Variants in CRLS1 observed in about 807,000 individuals in gnomAD.
CRLS1 encodes the protein cardiolipin synthase 1.
In CRLS1, 24 loss-of-function variants were observed where a neutral mutation model predicts 37.0. The ratio of observed to expected loss-of-function variants is 0.65; its 90% CI spans 0.47 to 0.91. The LOEUF is 0.91. CRLS1 is among the 40% of genes least tolerant of loss of function. The pLI, the probability that CRLS1 is intolerant of heterozygous loss-of-function variation, is 0.00. For missense variants in CRLS1, 373 were observed against 395.8 expected (o/e 0.94, Z 0.49); for synonymous variants, 135 against 159.7 (o/e 0.85, Z 1.17).
chr20:6,011,346 C>T (rs1568616357), intron 2 of CRLS1, among the ~76,000 whole-genome samples: 1 of 151,994 alleles, frequency 6.6e-6, no homozygotes, highest in Non-Finnish European at 1.5e-5. Context: ...AACAAAATTC[C>T]ACCTTCCTAG....
At chr20:6,017,223 A>G (rs1020387594) in intron 3 of CRLS1, among the ~76,000 whole-genome samples, 1 of 152,300 alleles carries the variant, frequency 6.6e-6, no homozygotes, top group African/African-American at 2.4e-5. Context: ...TTTAAACTGC[A>G]GATGATTTTA....
chr20:6,022,629 C>A (rs1005579592), intron 3 of CRLS1, among the ~76,000 whole-genome samples: 1 of 152,192 alleles, frequency 6.6e-6, no homozygotes, highest in Admixed American at 6.5e-5. Flanking sequence ...AGAGCCACTG[C>A]ACCCGGCCAT....
At chr20:6,022,109 C>A (rs1248252557) in intron 3 of CRLS1, among the ~76,000 whole-genome samples, 2 of 152,140 alleles carry the variant, frequency 1.3e-5, no homozygotes, top group Admixed American at 6.6e-5. Flanking sequence ...CATCTGAGAT[C>A]ATTTTCCTTT....
At chr20:6,011,983 A>G (rs1297383791) in intron 2 of CRLS1, among the ~76,000 whole-genome samples, 2 of 151,630 alleles carry the variant, frequency 1.3e-5, no homozygotes, top group Non-Finnish European at 2.9e-5. Context: ...TTAACATAAC[A>G]GACAAGATCT....
chr20:6,011,706 C>G (rs2122924485), intron 2 of CRLS1, among the ~76,000 whole-genome samples: 1 of 149,566 alleles, frequency 6.7e-6, no homozygotes, highest in East Asian at 2.0e-4. Flanking sequence ...CTGCCTCAGC[C>G]TCCTGGGTAG....
chr20:6,007,252 A>G (rs1204074120), intron 1 of CRLS1: 10 of 1,523,414 alleles, frequency 6.6e-6, no homozygotes, highest in Non-Finnish European at 7.9e-6. Flanking sequence ...TGCTTTCATC[A>G]GTTGTACAGC....
At chr20:6,028,140 T>C (rs1343013480) in intron 3 of CRLS1, 2 of 152,264 alleles carry the variant, frequency 1.3e-5, no homozygotes. Context: ...ACCTTCATTT[T>C]AATAGCTTTG....
At chr20:6,005,993 G>C, upstream of CRLS1, 1 of 325,064 alleles carries the variant, frequency 3.1e-6, no homozygotes, top group Non-Finnish European at 5.6e-6. Flanking sequence ...AGCCTGATGC[G>C]CGCGCCTCCG....
chr20:6,011,273 A>G (rs2090128589), intron 2 of CRLS1, among the ~76,000 whole-genome samples: 1 of 152,172 alleles, frequency 6.6e-6, no homozygotes, highest in Non-Finnish European at 1.5e-5. Flanking sequence ...CTAGTTTTAT[A>G]TTAATAAAAG....
At chr20:6,007,543 C>A in intron 1 of CRLS1, 3 of 857,726 alleles carry the variant, frequency 3.5e-6, no homozygotes, top group South Asian at 1.5e-5. Context: ...ACTCCCTTCA[C>A]TGTTCCAGCA....
chr20:6,036,872 G>A (rs1980589375), intron 6 of CRLS1, among the ~76,000 whole-genome samples: 1 of 152,176 alleles, frequency 6.6e-6, no homozygotes. Context: ...AATTTTGTTT[G>A]ACGTTACTAA....
Position 6,006,531 on chromosome 20 carries a change from C to A in CRLS1, c.285C>A (p.Gly95=). Residue 95 remains glycine, a synonymous_variant, in exon 1 of 7, where the codon GGC becomes GGA. Transcript: ENST00000378863. ...CCGAAGCCCCGGGCGGCCAGTGGGG[C>A]CCGGCGAGCACCCCCAGCCTGGTAC... ...AAAEAPGGQW[G]PASTPSLYEN... 1.5e-6 allele frequency: 2 copies of A among 1,324,070 alleles called. No individual in the cohort carries two copies. The highest frequency in any genetic ancestry group is 4.3e-5 in the South Asian group (2 of 46,998). 82.0% of individuals were successfully genotyped at this position (1,324,070 alleles called of 1,614,324 possible). A position where few individuals can be genotyped will look rare whatever the true frequency, so the allele number is the denominator to read the frequency against.
In CRLS1 at chr20:6,039,211, C is replaced by T. The variant is rs1406996454; in HGVS notation, c.*2053C>T. The T allele has an allele frequency of 3.9e-5, 6 of 151,934 alleles. No individual in the cohort carries two copies. In the South Asian group the frequency reaches 1.0e-3, roughly 26 times the overall value. 9.4% of individuals were successfully genotyped at this position (151,934 alleles called of 1,614,324 possible). On this transcript the variant is annotated 3_prime_UTR_variant, in exon 7 of 7. Transcript: ENST00000378863. ...CAAGTGACCCTTTCACCTCAGCTTC[C>T]CAAGTAGCTGGGATTACAGGTGCAC...
chr20:6,006,254 C>A lies in CRLS1; in HGVS notation c.8C>A (p.Ala3Asp). The part of the protein sequence containing the change: ML[A>D]LRVARGSWGA... ...CGGCGCGGCCGCAGGGCCATGCTAGCCTTGCGCGTGGCGCGCGGCTCGTGG... is the reference window on the plus strand; with the variant it reads ...CGGCGCGGCCGCAGGGCCATGCTAGACTTGCGCGTGGCGCGCGGCTCGTGG... The change falls in exon 1 of 7, where the codon GCC becomes GAC. Residue 3 changes from alanine (A) to aspartate (D), a missense_variant. Ala to Asp is a moderately radical substitution (Grantham distance 126, BLOSUM62 -2). Coordinates refer to ENST00000378863, the MANE Select transcript of CRLS1 (RefSeq NM_019095.6). The A allele has an allele frequency of 1.6e-6, 2 of 1,249,616 alleles. No homozygotes were observed. Among genetic ancestry groups the A allele is most frequent in the Non-Finnish European group, 2.0e-6 (2 of 1,000,136 alleles). The allele number at this position is 1,249,616 out of a possible 1,614,324, so 77.4% of individuals were successfully genotyped here.
At chr20:6,009,736 A>C in intron 1 of CRLS1, 39 bp from the exon 2 acceptor site, 1 of 1,564,366 alleles carries the variant, frequency 6.4e-7, no homozygotes, top group Non-Finnish European at 8.7e-7. Context: ...GTATGAATTC[A>C]TAGTATTTTA....
chr20:6,014,918 A>G (rs1169751752), intron 2 of CRLS1, among the ~76,000 whole-genome samples: 2 of 152,218 alleles, frequency 1.3e-5, no homozygotes, highest in African/African-American at 4.8e-5. Context: ...AAACAGTGGT[A>G]TTGAGCAAAA....
Position 6,015,579 on chromosome 20 carries a change from T to C in CRLS1, c.574+89T>C, listed in dbSNP as rs772034174. The C allele has an allele frequency of 2.2e-6, 3 of 1,339,806 alleles. No individual in the cohort carries two copies. The Admixed American group carries it at 5.1e-5, about 23-fold the overall frequency. The allele number at this position is 1,339,806 out of a possible 1,614,324, so 83.0% of individuals were successfully genotyped here. A position where few individuals can be genotyped will look rare whatever the true frequency, so the allele number is the denominator to read the frequency against. ...TTTCTCTTGAGAGACAAATAATTTT[T>C]GTTCCAAAAATATAGTTTTCAACTT... On this transcript the variant is annotated intron_variant, in intron 3 of 6. Coordinates refer to ENST00000378863, the MANE Select transcript of CRLS1 (RefSeq NM_019095.6).
At chr20:6,019,512 CT>C (rs10610960) in intron 3 of CRLS1, among the ~76,000 whole-genome samples, 1,371 of 118,386 alleles carry the variant, frequency 0.012, 15 homozygotes, top group African/African-American at 0.022. Flanking sequence ...TTTTTTGTCC[CT>C]TTTTTTTTTT....
At chr20:6,032,172 CAAATTT>C (rs1980213998) in intron 5 of CRLS1, 92 bp downstream of exon 5, 2 of 1,025,966 alleles carry the variant, frequency 1.9e-6, no homozygotes, top group South Asian at 2.8e-5. Flanking sequence ...GAAAATGAGA[CAAATTT>C]AAATGCATTG....
Sources: allele counts gnomAD v4.1 joint callset (sites outside exome capture counted in the v4.1 genomes callset), GRCh38; gene constraint gnomAD v4.1.1; transcripts MANE v1.5; gene names NCBI Gene and HGNC (gene_info 2026-07-23, HGNC 2026-07-21).